The following IVD variants were observed in gnomAD, a reference collection of about 807,000 sequenced individuals.
The protein encoded by IVD is isovaleryl-CoA dehydrogenase, mitochondrial.
Under a neutral mutation model 51.3 loss-of-function variants are expected in IVD, and 31 were observed. The observed-to-expected ratio is 0.60, with a 90% CI of 0.45 to 0.81. The LOEUF is 0.81. Ranked by LOEUF, IVD falls within the 40% of genes least tolerant of loss-of-function variation. The probability of loss-of-function intolerance (pLI) is 0.00; values close to 1 mark genes in which losing one functional copy is unlikely to be tolerated. For missense variants in IVD, 475 were observed against 552.0 expected, an observed-to-expected ratio of 0.86 and a Z score of 1.40; for synonymous variants, 205 against 219.4, an observed-to-expected ratio of 0.93 and a Z score of 0.58.
At chr15:40,416,442 G>C in intron 11 of IVD, 80 bp downstream of exon 11, 7 of 1,330,590 alleles carry the variant, frequency 5.3e-6, no homozygotes, top group Non-Finnish European at 7.5e-6. Flanking sequence ...GTTTCAGGGC[G>C]GGCGTGGTGG....
At chr15:40,422,429 G>A (rs1892374633), downstream of IVD, among the ~76,000 whole-genome samples, 1 of 151,262 alleles carries the variant, frequency 6.6e-6, no homozygotes, top group Non-Finnish European at 1.5e-5. Context: ...GACTACAAGC[G>A]CCCGCCACCA....
intron 8 of IVD, among the ~76,000 whole-genome samples, chr15:40,434,617 G>A (rs1045978066): frequency 3.9e-5 from 6 of 152,150 alleles, no homozygotes; most frequent in Admixed American, 2.0e-4. Context: ...TAGAGTTCAG[G>A]GCAGCAGGGA....
rs2141360637 is a variant in IVD at position 40,416,176 on chromosome 15, T to C, written c.1059T>C (p.Thr353=). Residue 353 remains threonine, a synonymous_variant, in exon 10 of 12, where the codon ACT becomes ACC. Transcript: ENST00000487418. The part of the protein sequence containing the change: ...VAKACDEGHC[T]AKDCAGVILY... ...AGGCCTGCGATGAGGGCCATTGCAC[T>C]GCTAAGGTGAGGGCCAGCCTCAGTC... 5 of 1,614,150 alleles carry C rather than the reference T, an allele frequency of 3.1e-6. No homozygotes were observed. Among genetic ancestry groups the C allele is most frequent in the Non-Finnish European group, 4.2e-6 (5 of 1,179,968 alleles).
chr15:40,406,307 G>C, intron 1 of IVD: 1 of 1,391,312 alleles, frequency 7.2e-7, no homozygotes, highest in Non-Finnish European at 9.5e-7. Flanking sequence ...TGGCACAAGG[G>C]CCCTCAATCT....
rs7207 is a variant in IVD at position 40,421,107 on chromosome 15, T to C, written c.*2844T>C. ...CTTCCTTGTCTTGCTCCCTGCTATG[T>C]TGGAGATGAATGTGACTAAAAGGGC... On this transcript the variant is annotated 3_prime_UTR_variant, in exon 12 of 12. Coordinates refer to ENST00000487418, the MANE Select transcript of IVD (RefSeq NM_002225.5). 0.51 allele frequency: 499,087 copies of C among 984,968 alleles called. 129,603 individuals are homozygous for C. The highest frequency in any genetic ancestry group is 0.79 in the East Asian group (6,971 of 8,794). 61.0% of individuals were successfully genotyped at this position (984,968 alleles called of 1,614,324 possible). A position where few individuals can be genotyped will look rare whatever the true frequency, so the allele number is the denominator to read the frequency against.
chr15:40,414,709 C>A, intron 7 of IVD, 180 bp from the exon 8 acceptor site: 1 of 1,079,546 alleles, frequency 9.3e-7, no homozygotes, highest in Non-Finnish European at 1.3e-6. Flanking sequence ...GGCAGCTCCA[C>A]TTCTGACTGG....
intron 11 of IVD, among the ~76,000 whole-genome samples, chr15:40,416,900 A>C (rs1372798773): frequency 6.6e-6 from 1 of 152,108 alleles, no homozygotes; most frequent in African/African-American, 2.4e-5. Flanking sequence ...GATGCTAGGA[A>C]ATGGGAAAGG....
At chr15:40,429,057 A>C (rs1315385968), downstream of IVD, among the ~76,000 whole-genome samples, 1 of 152,120 alleles carries the variant, frequency 6.6e-6, no homozygotes, top group East Asian at 1.9e-4. Context: ...TCCTCTGATA[A>C]GTCCCATCCC....
chr15:40,415,412 C>CTCAA lies in IVD; in HGVS notation c.890_891insTCAA (p.Val298GlnfsTer32), dbSNP rs1251722088. ...CTCCTTTCTGACAGGCTCATGCAAG[C>CTCAA]GGTCCTGGACCACACCATTCCCTAC... On this transcript the variant is annotated frameshift_variant, in exon 9 of 12. Transcript: ENST00000487418. LOFTEE classifies it high-confidence loss of function. 1 of 1,613,938 alleles carries CTCAA rather than the reference C, an allele frequency of 6.2e-7. No individual in the cohort carries two copies. Among genetic ancestry groups the CTCAA allele is most frequent in the Non-Finnish European group, 8.5e-7 (1 of 1,179,966 alleles).
At chr15:40,433,523 C>CAGCACTGG (rs1230010080) in intron 7 of IVD, among the ~76,000 whole-genome samples, 5 of 152,144 alleles carry the variant, frequency 3.3e-5, no homozygotes, top group African/African-American at 1.2e-4. Context: ...TTCCAGTCCA[C>CAGCACTGG]AGCACTGGGA....
chr15:40,408,763 C>T (rs1401250641), intron 3 of IVD, among the ~76,000 whole-genome samples: 2 of 152,094 alleles, frequency 1.3e-5, no homozygotes, highest in Non-Finnish European at 2.9e-5. Context: ...CCAGCCTGAC[C>T]AACATGGAGA....
intron 11 of IVD, 106 bp downstream of exon 11, chr15:40,416,468 C>T: frequency 4.8e-6 from 5 of 1,036,936 alleles, no homozygotes; most frequent in Non-Finnish European, 7.4e-6. Context: ...ACCTATAATC[C>T]CAGCACTTTG....
rs756694379 is a variant in IVD, at chr15:40,418,233, C to A, written c.1242C>A (p.Ile414=). The A allele has an allele frequency of 1.4e-5, 23 of 1,614,198 alleles. 1 individual carries two copies. The South Asian group carries it at 2.4e-4, about 17-fold the overall frequency. The change falls in exon 12 of 12, where the codon ATC becomes ATA. Residue 414 remains isoleucine (I), a synonymous_variant. Transcript: ENST00000487418. ...CCAGCGAGGTGAGGCGGCTGGTCAT[C>A]GGCAGAGCCTTCAATGCAGACTTTC... ...AGTSEVRRLV[I]GRAFNADFH
At chr15:40,411,140 C>A in intron 4 of IVD, 120 bp from the exon 5 acceptor site, 1 of 966,598 alleles carries the variant, frequency 1.0e-6, no homozygotes, top group Non-Finnish European at 1.7e-6. Flanking sequence ...ACTTTACCGA[C>A]ACCCTGGTCT....
Position 40,411,310 on chromosome 15 carries a change from A to C in IVD, c.507A>C (p.Ala169=), listed in dbSNP as rs1264489838. 6.2e-7 allele frequency: 1 copy of C among 1,614,132 alleles called. No individual in the cohort carries two copies. Among genetic ancestry groups the C allele is most frequent in the Non-Finnish European group, 8.5e-7 (1 of 1,180,026 alleles). The part of the protein sequence containing the change: ...IGALAMSEPN[A]GSDVVSMKLK... Reference sequence around the variant, plus strand: ...CCCTGGCCATGAGTGAGCCCAATGCAGGCTCTGATGTTGTCTCTATGAAGC... The same window carrying C: ...CCCTGGCCATGAGTGAGCCCAATGCCGGCTCTGATGTTGTCTCTATGAAGC... Residue 169 remains alanine (A), a synonymous_variant, in exon 5 of 12, where the codon GCA becomes GCC. Transcript: ENST00000487418.
At chr15:40,410,265 C>T (rs781296764) in intron 3 of IVD, among the ~76,000 whole-genome samples, 2 of 152,222 alleles carry the variant, frequency 1.3e-5, no homozygotes, top group African/African-American at 2.4e-5. Flanking sequence ...CACCCCAATG[C>T]CTTTGTTTTT....
chr15:40,420,289 T>A lies in IVD; in HGVS notation c.*2026T>A. 1.0e-6 allele frequency: 1 copy of A among 987,670 alleles called. No individual in the cohort carries two copies. Among genetic ancestry groups the A allele is most frequent in the Non-Finnish European group, 1.2e-6 (1 of 830,166 alleles). The allele number at this position is 987,670 out of a possible 1,614,324, so 61.2% of individuals were successfully genotyped here. On this transcript the variant is annotated 3_prime_UTR_variant, in exon 12 of 12. Transcript: ENST00000487418. ...GGCCGTGTGACCACCCACAGCTGAC[T>A]GGGCAGCAGGCACAGGCCCTACCCG...
exon 9 of IVD, chr15:40,435,422 A>G: frequency 1.7e-6 from 2 of 1,202,156 alleles, no homozygotes; most frequent in Non-Finnish European, 2.1e-6. Flanking sequence ...CCTAGGGCAG[A>G]CCTTTTCCGC....
intron 7 of IVD, among the ~76,000 whole-genome samples, chr15:40,430,608 G>T (rs879542817): frequency 6.6e-6 from 1 of 152,146 alleles, no homozygotes; most frequent in African/African-American, 2.4e-5. Context: ...GAGGAGATTC[G>T]AGGCTGGAGA....
Sources: gnomAD v4.1 joint callset for allele counts (sites outside exome capture counted in the v4.1 genomes callset) on GRCh38, gnomAD v4.1.1 for gene constraint, MANE v1.5 for transcripts, NCBI Gene and HGNC (gene_info 2026-07-23, HGNC 2026-07-21) for gene names.